TRAPPC9: variants seen among roughly 807,000 people sequenced by gnomAD.
TRAPPC9 encodes the protein IKK2 binding protein.
Under a neutral mutation model 124.0 loss-of-function variants are expected in TRAPPC9, and 83 were observed. That is an observed-to-expected ratio of 0.67 (90% confidence interval 0.56 to 0.80). TRAPPC9 has a LOEUF of 0.80. Ranked by LOEUF, TRAPPC9 falls within the 30% of genes least tolerant of loss-of-function variation. The probability of loss-of-function intolerance (pLI) is 0.00; values close to 1 mark genes in which losing one functional copy is unlikely to be tolerated. For synonymous variants in TRAPPC9, 638 were observed against 617.5 expected (o/e 1.03, Z -0.49); for missense variants, 1,302 against 1,508.3 (o/e 0.86, Z 2.27).
At chr8:139,868,106 C>T (rs1057287326) in intron 21 of TRAPPC9, among the ~76,000 whole-genome samples, 17 of 152,212 alleles carry the variant, frequency 1.1e-4, no homozygotes, top group Non-Finnish European at 1.2e-4. Context: ...TGCCTGTAAT[C>T]CCAGCACTTT....
At chr8:140,183,890 AGG>A (rs1243782047) in intron 17 of TRAPPC9, among the ~76,000 whole-genome samples, 432 of 16,182 alleles carry the variant, frequency 0.027, 14 homozygotes, top group African/African-American at 0.087. Context: ...GAAGAAGAAG[AGG>A]AGAGGAGAGG....
intron 19 of TRAPPC9, among the ~76,000 whole-genome samples, chr8:139,979,765 C>T (rs559306303): frequency 1.1e-4 from 17 of 152,238 alleles, no homozygotes; most frequent in South Asian, 8.3e-4. Flanking sequence ...AGACCCACAG[C>T]GTCGAGGACA....
chr8:139,808,354 A>G (rs1824209651), intron 21 of TRAPPC9, among the ~76,000 whole-genome samples: 1 of 152,092 alleles, frequency 6.6e-6, no homozygotes, highest in African/African-American at 2.4e-5. Context: ...CCAGCTACTC[A>G]AGGGGCTGAG....
chr8:140,245,164 T>C (rs1463877747), intron 16 of TRAPPC9, among the ~76,000 whole-genome samples: 1 of 152,084 alleles, frequency 6.6e-6, no homozygotes, highest in Admixed American at 6.5e-5. Flanking sequence ...CCACCAAAAA[T>C]AAAGGTATCA....
At chr8:139,822,557 G>C (rs1037454921) in intron 21 of TRAPPC9, among the ~76,000 whole-genome samples, 4 of 152,152 alleles carry the variant, frequency 2.6e-5, no homozygotes, top group Non-Finnish European at 4.4e-5. Flanking sequence ...CAGACCTCAA[G>C]CAGGTGCTAG....
intron 18 of TRAPPC9, among the ~76,000 whole-genome samples, chr8:139,996,086 T>C (rs765769674): frequency 2.3e-5 from 3 of 131,892 alleles, no homozygotes; most frequent in Non-Finnish European, 4.6e-5. Flanking sequence ...GAACTGACCA[T>C]ACTTGAAACA....
chr8:139,750,753 A>C (rs1819259916), intron 21 of TRAPPC9, among the ~76,000 whole-genome samples: 1 of 152,108 alleles, frequency 6.6e-6, no homozygotes, highest in African/African-American at 2.4e-5. Flanking sequence ...GACCATTCAA[A>C]CTGCACCTGT....
chr8:140,129,676 G>C (rs1014350719), intron 17 of TRAPPC9, among the ~76,000 whole-genome samples: 1 of 148,732 alleles, frequency 6.7e-6, no homozygotes, highest in Non-Finnish European at 1.5e-5. Context: ...TTCTCCCCGA[G>C]AGAAAAGGAA....
chr8:140,136,367 C>T (rs1232448317), intron 17 of TRAPPC9, among the ~76,000 whole-genome samples: 1 of 152,154 alleles, frequency 6.6e-6, no homozygotes. Context: ...CTGGCAGGCA[C>T]AAGCAGGACA....
chr8:140,334,646 T>C (rs540927492), intron 9 of TRAPPC9, among the ~76,000 whole-genome samples: 4 of 141,432 alleles, frequency 2.8e-5, no homozygotes, highest in African/African-American at 1.0e-4. Flanking sequence ...CGAGACTCTG[T>C]CACTAAATAA....
intron 21 of TRAPPC9, among the ~76,000 whole-genome samples, chr8:139,738,625 G>A (rs1020996492): frequency 6.6e-5 from 10 of 152,196 alleles, no homozygotes; most frequent in African/African-American, 2.2e-4. Flanking sequence ...CCGCAACACC[G>A]ATCAGACTCT....
At position 140,361,997 on chromosome 8, in the gene TRAPPC9, T is replaced by TGAGCTCTTCCC. The variant is rs1374811471; in HGVS notation, c.1352-1815_1352-1805dup. ...GGGTTCCACCGCTCACAGCCCTTCCTGAGCTCTTCCCTCAGCACTCTGCCC... is the reference window on the plus strand; with the variant it reads ...GGGTTCCACCGCTCACAGCCCTTCCTGAGCTCTTCCCGAGCTCTTCCCTCAGCACTCTGCCC... On this transcript the variant is annotated intron_variant, in intron 8 of 22. Transcript: ENST00000438773. Among the ~76,000 whole-genome samples, 6 of 152,342 alleles carry TGAGCTCTTCCC rather than the reference T, an allele frequency of 3.9e-5. No homozygotes were observed. The South Asian group carries it at 6.2e-4, about 16-fold the overall frequency.
chr8:139,790,053 G>A (rs1452866220), intron 21 of TRAPPC9, among the ~76,000 whole-genome samples: 1 of 152,182 alleles, frequency 6.6e-6, no homozygotes, highest in Non-Finnish European at 1.5e-5. Flanking sequence ...ACGCCGCGTC[G>A]CTGCTGAGCG....
chr8:140,329,351 A>AT (rs1468427035), intron 9 of TRAPPC9, among the ~76,000 whole-genome samples: 2 of 152,200 alleles, frequency 1.3e-5, no homozygotes. Flanking sequence ...CTTCAAAAAA[A>AT]CTTTCATCCA....
chr8:139,963,041 T>A (rs1334417432), intron 19 of TRAPPC9, among the ~76,000 whole-genome samples: 1 of 152,236 alleles, frequency 6.6e-6, no homozygotes, highest in Non-Finnish European at 1.5e-5. Flanking sequence ...AAGCTTGTGA[T>A]AATTTGTTAC....
chr8:140,381,466 G>A (rs1042087773), intron 7 of TRAPPC9, among the ~76,000 whole-genome samples: 3 of 151,958 alleles, frequency 2.0e-5, no homozygotes, highest in Non-Finnish European at 4.4e-5. Flanking sequence ...AGGAGATCGA[G>A]TCCATCTTGG....
At chr8:139,792,463 G>A (rs1167458800) in intron 21 of TRAPPC9, among the ~76,000 whole-genome samples, 1 of 152,198 alleles carries the variant, frequency 6.6e-6, no homozygotes, top group East Asian at 1.9e-4. Context: ...GGTGTGCTGT[G>A]GGGCGCTTAC....
At chr8:140,421,093 C>A (rs1461315810) in intron 5 of TRAPPC9, among the ~76,000 whole-genome samples, 3 of 152,158 alleles carry the variant, frequency 2.0e-5, no homozygotes, top group Non-Finnish European at 2.9e-5. Context: ...GGAAACCTTT[C>A]CCTAGGAGAC....
At chr8:140,321,709 C>T (rs563884525) in intron 9 of TRAPPC9, among the ~76,000 whole-genome samples, 5 of 152,192 alleles carry the variant, frequency 3.3e-5, no homozygotes, top group Non-Finnish European at 7.3e-5. Flanking sequence ...ACAGAGTAGA[C>T]TCCCATGGGC....
Sources: allele counts gnomAD v4.1 joint callset (sites outside exome capture counted in the v4.1 genomes callset), GRCh38; gene constraint gnomAD v4.1.1; transcripts MANE v1.5; gene names NCBI Gene and HGNC (gene_info 2026-07-23, HGNC 2026-07-21).